Variants in PSMD14 observed in about 807,000 individuals in gnomAD.
PSMD14 encodes ubiquitin C-terminal hydrolase PSMD14.
In PSMD14, 7 loss-of-function variants were observed where a neutral mutation model predicts 41.2. That is an observed-to-expected ratio of 0.17 (90% CI 0.10 to 0.32). PSMD14 has a LOEUF of 0.32. PSMD14 is among the 10% of genes least tolerant of loss of function. The pLI is 1.00. For missense variants in PSMD14, 139 were observed against 375.6 expected (o/e 0.37, Z 5.21); for synonymous variants, 114 against 122.3 (o/e 0.93, Z 0.45).
chr2:161,410,768 G>C (rs1206170334), intron 11 of PSMD14, among the ~76,000 whole-genome samples: 1 of 151,968 alleles, frequency 6.6e-6, no homozygotes, highest in African/African-American at 2.4e-5. Context: ...TTTGATCCAA[G>C]AATATTTTCT....
chr2:161,374,504 T>C (rs1414394054), intron 7 of PSMD14, among the ~76,000 whole-genome samples: 1 of 151,974 alleles, frequency 6.6e-6, no homozygotes, highest in Non-Finnish European at 1.5e-5. Flanking sequence ...ATGATACAGG[T>C]GAAAATCAAT....
In PSMD14 at chr2:161,319,728, T is replaced by G. The variant is rs115264567; in HGVS notation, c.48+855T>G. On this transcript the variant is annotated intron_variant, in intron 3 of 11. Coordinates refer to ENST00000409682, the MANE Select transcript of PSMD14 (RefSeq NM_005805.6). Reference sequence around the variant, plus strand: ...CCTTACTGCTATCAGTGACTTCATCTTTCTTCAAAGTAATCTGTGTTTACT... The same window carrying G: ...CCTTACTGCTATCAGTGACTTCATCGTTCTTCAAAGTAATCTGTGTTTACT... Among the ~76,000 whole-genome samples the G allele has an allele frequency of 9.8e-3, 1,495 of 152,328 alleles. 31 individuals are homozygous for G. The highest frequency in any genetic ancestry group is 0.035 in the African/African-American group (1,445 of 41,574).
chr2:161,319,384 T>A (rs1293843623), intron 3 of PSMD14, among the ~76,000 whole-genome samples: 1 of 152,126 alleles, frequency 6.6e-6, no homozygotes, highest in Non-Finnish European at 1.5e-5. Context: ...TTTTATAATC[T>A]TTTTAAAAAA....
intron 3 of PSMD14, among the ~76,000 whole-genome samples, chr2:161,325,934 G>C (rs1404816657): frequency 1.3e-5 from 2 of 152,234 alleles, no homozygotes; most frequent in South Asian, 4.1e-4. Context: ...TGAAGCAGTG[G>C]TAGCCAGTAA....
chr2:161,352,496 A>G (rs1238602979), intron 3 of PSMD14, among the ~76,000 whole-genome samples: 1 of 152,256 alleles, frequency 6.6e-6, no homozygotes, highest in African/African-American at 2.4e-5. Flanking sequence ...ACACCAAGTT[A>G]CAATCAAGTA....
At chr2:161,327,236 T>C (rs1682712499) in intron 3 of PSMD14, among the ~76,000 whole-genome samples, 1 of 152,176 alleles carries the variant, frequency 6.6e-6, no homozygotes, top group Non-Finnish European at 1.5e-5. Flanking sequence ...GGAGTTATTG[T>C]TTAATGGGTA....
intron 3 of PSMD14, among the ~76,000 whole-genome samples, chr2:161,346,668 C>T (rs919198717): frequency 6.6e-6 from 1 of 151,288 alleles, no homozygotes; most frequent in Non-Finnish European, 1.5e-5. Flanking sequence ...TCTAGTTTTG[C>T]TTTTAACCCT....
intron 10 of PSMD14, among the ~76,000 whole-genome samples, chr2:161,402,758 A>T (rs540655144): frequency 6.6e-6 from 1 of 152,330 alleles, no homozygotes; most frequent in African/African-American, 2.4e-5. Flanking sequence ...ACAATCCAGT[A>T]CAAAATTAGG....
At chr2:161,324,676 A>G (rs1188069797) in intron 3 of PSMD14, among the ~76,000 whole-genome samples, 10 of 139,408 alleles carry the variant, frequency 7.2e-5, no homozygotes, top group Non-Finnish European at 1.4e-4. Flanking sequence ...TTTTCTTTCC[A>G]GTAGACTTGT....
At chr2:161,324,604 T>C (rs1682665824) in intron 3 of PSMD14, among the ~76,000 whole-genome samples, 1 of 152,014 alleles carries the variant, frequency 6.6e-6, no homozygotes, top group Non-Finnish European at 1.5e-5. Flanking sequence ...CCCCTAGGTG[T>C]TGTAGTTTCA....
chr2:161,333,175 A>G (rs1020801671), intron 3 of PSMD14, among the ~76,000 whole-genome samples: 1 of 152,212 alleles, frequency 6.6e-6, no homozygotes, highest in African/African-American at 2.4e-5. Context: ...TAATTGTTGT[A>G]TGTCTTTCCT....
chr2:161,316,107 G>A (rs1689145454), intron 1 of PSMD14, among the ~76,000 whole-genome samples: 1 of 152,184 alleles, frequency 6.6e-6, no homozygotes, highest in Non-Finnish European at 1.5e-5. Context: ...GCCTCCCAAA[G>A]TGCTGGGATT....
chr2:161,314,679 T>G (rs1392374694), intron 1 of PSMD14, among the ~76,000 whole-genome samples: 1 of 152,214 alleles, frequency 6.6e-6, no homozygotes, highest in East Asian at 1.9e-4. Flanking sequence ...AGTGTGATGT[T>G]TTGAGGTTCA....
chr2:161,321,558 C>T (rs1220036928), intron 3 of PSMD14, among the ~76,000 whole-genome samples: 2 of 152,130 alleles, frequency 1.3e-5, no homozygotes, highest in East Asian at 3.9e-4. Context: ...CACTTCTCCA[C>T]AGAACTACCC....
At chr2:161,360,930 G>A (rs189019316) in intron 3 of PSMD14, among the ~76,000 whole-genome samples, 119 of 152,276 alleles carry the variant, frequency 7.8e-4, no homozygotes, top group African/African-American at 2.5e-3. Flanking sequence ...TAATTTGCTT[G>A]TGTACTGACT....
At chr2:161,370,832 A>G (rs950429303) in intron 6 of PSMD14, among the ~76,000 whole-genome samples, 5 of 152,180 alleles carry the variant, frequency 3.3e-5, no homozygotes, top group Non-Finnish European at 7.4e-5. Context: ...GGAAAATCCA[A>G]CTCCCAGAGC....
At chr2:161,382,668 A>T (rs1309016716) in intron 7 of PSMD14, 1 of 151,784 alleles carries the variant, frequency 6.6e-6, no homozygotes, top group Admixed American at 6.6e-5. Context: ...GTCTAGCATC[A>T]TATTCCTGAA....
intron 2 of PSMD14, among the ~76,000 whole-genome samples, chr2:161,317,005 G>A (rs1407661360): frequency 6.6e-6 from 1 of 152,136 alleles, no homozygotes; most frequent in East Asian, 1.9e-4. Context: ...AATGTATACT[G>A]TATGTTGTTT....
At chr2:161,378,480 T>C (rs1683531901) in intron 7 of PSMD14, among the ~76,000 whole-genome samples, 1 of 151,966 alleles carries the variant, frequency 6.6e-6, no homozygotes, top group South Asian at 2.1e-4. Context: ...TATAGCATAG[T>C]AACCAAAAGT....
Sources: gnomAD v4.1 joint callset for allele counts (sites outside exome capture counted in the v4.1 genomes callset) on GRCh38, gnomAD v4.1.1 for gene constraint, MANE v1.5 for transcripts, NCBI Gene and HGNC (gene_info 2026-07-23, HGNC 2026-07-21) for gene names.